HTRA2: variants seen among roughly 807,000 people sequenced by gnomAD.
HTRA2 encodes HtrA serine peptidase 2, also known as serine protease HTRA2, mitochondrial.
Under a neutral mutation model 42.2 loss-of-function variants are expected in HTRA2, and 24 were observed. The observed-to-expected ratio is 0.57, with a 90% confidence interval of 0.41 to 0.80. The LOEUF (loss-of-function observed/expected upper bound fraction) is 0.80, where lower values mean the gene tolerates loss of function less well. Ranked by LOEUF, HTRA2 falls within the 30% of genes least tolerant of loss-of-function variation. The pLI is 0.00. For synonymous variants in HTRA2, 245 were observed against 255.8 expected (o/e 0.96, Z 0.40); for missense variants, 466 against 613.5 (o/e 0.76, Z 2.54).
intron 3 of HTRA2, 22 bp from the exon 4 acceptor site, chr2:74,531,317 A>G (rs768956001): frequency 3.1e-6 from 5 of 1,613,514 alleles, no homozygotes; most frequent in Non-Finnish European, 4.2e-6. Flanking sequence ...GATCTCTTTC[A>G]TGTTTTCTCC....
chr2:74,532,604 T>C lies in HTRA2; in HGVS notation c.1116-15T>C. ...TGCCTGGGTTTGGCTAATAGGGTGA[T>C]CTGTGTACTTTCAGCATCCTTGCTG... On this transcript the variant is annotated splice_polypyrimidine_tract_variant and intron_variant, in intron 6 of 7. Coordinates refer to ENST00000258080, the MANE Select transcript of HTRA2 (RefSeq NM_013247.5). 6.2e-7 allele frequency: 1 copy of C among 1,610,542 alleles called. No homozygotes were observed. The highest frequency in any genetic ancestry group is 8.5e-7 in the Non-Finnish European group (1 of 1,177,634).
At chr2:74,532,437 C>T (rs1675678851) in intron 6 of HTRA2, 182 bp from the exon 7 acceptor site, 1 of 654,210 alleles carries the variant, frequency 1.5e-6, no homozygotes, top group Admixed American at 2.1e-5. Flanking sequence ...TGGTGTACAT[C>T]TTTTATGTAC....
intron 4 of HTRA2, 76 bp downstream of exon 4, chr2:74,531,447 G>T: frequency 6.2e-7 from 1 of 1,606,910 alleles, no homozygotes; most frequent in Non-Finnish European, 8.5e-7. Context: ...CCTAATTCAA[G>T]GATGTTTGGT....
chr2:74,531,022 G>GT lies in HTRA2; in HGVS notation c.825dup (p.Ser276Ter). The GT allele has an allele frequency of 6.2e-7, 1 of 1,614,212 alleles. No individual in the cohort carries two copies. Among genetic ancestry groups the GT allele is most frequent in the South Asian group, 1.1e-5 (1 of 91,088 alleles). On this transcript the variant is annotated frameshift_variant, in exon 3 of 8. Transcript: ENST00000258080. LOFTEE classifies it high-confidence loss of function. ...GCAGAACACGATCACATCCGGCATT[G>GT]TTAGCTCTGCTCAGCGTCCAGCCAG... is the stretch of plus-strand genomic sequence containing the variant.
Position 74,531,856 on chromosome 2 carries a change from A to G in HTRA2, c.1046A>G (p.Asn349Ser). The G allele has an allele frequency of 1.2e-6, 2 of 1,613,912 alleles. No homozygotes were observed. The highest frequency in any genetic ancestry group is 1.7e-6 in the Non-Finnish European group (2 of 1,180,020). The change falls in exon 6 of 8, where the codon AAT becomes AGT. Residue 349 changes from asparagine to serine, a missense_variant and splice_region_variant. By Grantham distance (46) the Asn-to-Ser change is conservative. Transcript: ENST00000258080. ...GGGCTCATTTGTCCCTCTGTCACAG[A>G]TTCCTCCTCCGGAATCAGTGGGTCC... ...REFLHRGEKK[N>S]SSSGISGSQR...
chr2:74,533,059 G>A lies in HTRA2; in HGVS notation c.*74G>A, dbSNP rs1675741101. The stretch of plus-strand genomic sequence containing the variant: ...TTCTGGCTGAGGTTCTGAGGGCACC[G>A]AGACAGAGGGTTAAATGAACCAGTG... On this transcript the variant is annotated 3_prime_UTR_variant, in exon 8 of 8. Coordinates refer to ENST00000258080, the MANE Select transcript of HTRA2 (RefSeq NM_013247.5). The A allele has an allele frequency of 4.1e-6, 6 of 1,453,926 alleles. No individual in the cohort carries two copies. The highest frequency in any genetic ancestry group is 4.5e-5 in the East Asian group (2 of 44,162). The allele number at this position is 1,453,926 out of a possible 1,614,324, so 90.1% of individuals were successfully genotyped here.
upstream of HTRA2, chr2:74,529,445 C>T (rs1232596988): frequency 3.8e-6 from 6 of 1,570,962 alleles, no homozygotes; most frequent in Non-Finnish European, 5.2e-6. Flanking sequence ...GGAGGCAGAA[C>T]CCGACTGGCG....
chr2:74,529,968 C>T lies in HTRA2; in HGVS notation c.-39C>T, dbSNP rs1392351120. Reference sequence around the variant, plus strand: ...CCTGCTCGCGTCCTGGGTGCCGCCTCTGAGTAGGGCGGGCGAGGAGGCAGC... The same window carrying T: ...CCTGCTCGCGTCCTGGGTGCCGCCTTTGAGTAGGGCGGGCGAGGAGGCAGC... On this transcript the variant is annotated 5_prime_UTR_variant, in exon 1 of 8. Transcript: ENST00000258080. The T allele has an allele frequency of 6.6e-7, 1 of 1,505,392 alleles. No individual in the cohort carries two copies. The highest frequency in any genetic ancestry group is 1.3e-5 in the South Asian group (1 of 75,516). The allele number at this position is 1,505,392 out of a possible 1,614,324, so 93.3% of individuals were successfully genotyped here. A position where few individuals can be genotyped will look rare whatever the true frequency, so the allele number is the denominator to read the frequency against.
chr2:74,530,924 C>T lies in HTRA2; in HGVS notation c.725C>T (p.Thr242Met). 6.2e-7 allele frequency: 1 copy of T among 1,614,240 alleles called. No homozygotes were observed. The highest frequency in any genetic ancestry group is 1.1e-5 in the South Asian group (1 of 91,092). Residue 242 changes from threonine to methionine, a missense_variant, in exon 3 of 8, where the codon ACG becomes ATG. Physicochemically the swap from Thr to Met is moderately conservative, Grantham distance 81. Transcript: ENST00000258080. This position sits in a 1 kb window ranked among gnomAD's most constrained non-coding sequence, Gnocchi z 7.4. ...LRIQTKEPLP[T>M]LPLGRSADVR... ...ATTCTCCCTTAGGAGCCTCTCCCCA[C>T]GCTGCCTCTGGGACGCTCAGCTGAT... is the stretch of plus-strand genomic sequence containing the variant.
intron 7 of HTRA2, 21 bp from the exon 8 acceptor site, chr2:74,532,799 T>C (rs1042288947): frequency 1.2e-6 from 2 of 1,614,190 alleles, no homozygotes; most frequent in Admixed American, 3.3e-5. Context: ...TTCCTTTCTC[T>C]CTGTCCATTT....
At chr2:74,532,490 T>C in intron 6 of HTRA2, 129 bp from the exon 7 acceptor site, 1 of 739,794 alleles carries the variant, frequency 1.4e-6, no homozygotes, top group South Asian at 1.5e-5. Flanking sequence ...GAGTTGCCAT[T>C]GTATTTTGTA....
intron 6 of HTRA2, chr2:74,532,269 C>T: frequency 2.1e-6 from 1 of 482,666 alleles, no homozygotes; most frequent in East Asian, 4.1e-5. Context: ...TTCCTACTCC[C>T]ATGTTTTTTA....
Position 74,531,629 on chromosome 2 carries a change from G to T in HTRA2, c.972G>T (p.Lys324Asn). 1 of 1,614,184 alleles carries T rather than the reference G, an allele frequency of 6.2e-7. No individual in the cohort carries two copies. Among genetic ancestry groups the T allele is most frequent in the Non-Finnish European group, 8.5e-7 (1 of 1,180,042 alleles). The stretch of plus-strand genomic sequence containing the variant: ...AGGTGATTGGAGTGAACACCATGAA[G>T]GTCACAGCTGGAATCTCCTTTGCCA... ...DGEVIGVNTM[K>N]VTAGISFAIP... Residue 324 changes from lysine (K) to asparagine (N), a missense_variant, in exon 5 of 8, where the codon AAG becomes AAT. Physicochemically the swap from Lys to Asn is moderately conservative, Grantham distance 94 (BLOSUM62 0). This residue lies in a region of HTRA2 where 115 missense variants were observed against 245.4 expected (regional missense o/e 0.47). Coordinates refer to ENST00000258080, the MANE Select transcript of HTRA2 (RefSeq NM_013247.5).
In HTRA2 at chr2:74,531,268, T is replaced by C. The variant is rs1558612031; in HGVS notation, c.907-71T>C. On this transcript the variant is annotated intron_variant, in intron 3 of 7. Transcript: ENST00000258080. ...GAGAAAGAAGAGAATTTGGAGAAAG[T>C]ACCTACATCCTGGTATGCCCCCAGA... is the stretch of plus-strand genomic sequence containing the variant. The C allele has an allele frequency of 1.9e-6, 3 of 1,578,314 alleles. No individual in the cohort carries two copies. The African/African-American group carries it at 4.0e-5, about 21-fold the overall frequency.
At chr2:74,529,731 G>A, upstream of HTRA2, 1 of 1,522,272 alleles carries the variant, frequency 6.6e-7, no homozygotes, top group African/African-American at 1.4e-5. Flanking sequence ...TCCGCCCGGG[G>A]TGAGGGGACC....
chr2:74,529,942 G>T lies in HTRA2; in HGVS notation c.-65G>T. The T allele has an allele frequency of 6.7e-7, 1 of 1,492,752 alleles. No homozygotes were observed. Among genetic ancestry groups the T allele is most frequent in the South Asian group, 1.3e-5 (1 of 74,420 alleles). The allele number at this position is 1,492,752 out of a possible 1,614,324, so 92.5% of individuals were successfully genotyped here. A position where few individuals can be genotyped will look rare whatever the true frequency, so the allele number is the denominator to read the frequency against. On this transcript the variant is annotated 5_prime_UTR_variant, in exon 1 of 8. Coordinates refer to ENST00000258080, the MANE Select transcript of HTRA2 (RefSeq NM_013247.5). ...CGGCGTGCCCCGCGTCCTACTGTCC[G>T]CCTGCTCGCGTCCTGGGTGCCGCCT...
intron 3 of HTRA2, 41 bp downstream of exon 3, chr2:74,531,146 G>A (rs754816436): frequency 4.4e-6 from 7 of 1,603,026 alleles, no homozygotes; most frequent in Admixed American, 1.7e-5. Flanking sequence ...GATGGGGGAG[G>A]GGGGAGAGGC....
Position 74,533,098 on chromosome 2 carries a change from C to T in HTRA2, c.*113C>T, listed in dbSNP as rs1675746227. On this transcript the variant is annotated 3_prime_UTR_variant, in exon 8 of 8. Transcript: ENST00000258080. ...AATGAACCAGTGGGGGCAGGTCCCT[C>T]CAACCACCAGCACTGACTCCTGGGC... 3.2e-6 allele frequency: 3 copies of T among 935,872 alleles called. No individual in the cohort carries two copies. The highest frequency in any genetic ancestry group is 1.6e-5 in the African/African-American group (1 of 61,362). 58.0% of individuals were successfully genotyped at this position (935,872 alleles called of 1,614,324 possible). A position where few individuals can be genotyped will look rare whatever the true frequency, so the allele number is the denominator to read the frequency against.
chr2:74,531,308 A>C (rs1384176475), intron 3 of HTRA2, 31 bp from the exon 4 acceptor site: 1 of 1,612,462 alleles, frequency 6.2e-7, no homozygotes, highest in Non-Finnish European at 8.5e-7. Flanking sequence ...GAATCCCCAG[A>C]TCTCTTTCAT....
Sources: allele counts gnomAD v4.1 joint callset, GRCh38; gene constraint gnomAD v4.1.1; regional missense constraint gnomAD v4.1.1; non-coding constraint Gnocchi (gnomAD v3.1); transcripts MANE v1.5; gene names NCBI Gene and HGNC (gene_info 2026-07-23, HGNC 2026-07-21).